The following SDK2 variants were observed in gnomAD, a reference collection of about 807,000 sequenced individuals.
The protein encoded by SDK2 is sidekick cell adhesion molecule 2.
SDK2 carries 105 observed loss-of-function variants against 253.9 expected under a neutral mutation model. The ratio of observed to expected loss-of-function variants is 0.41; its 90% CI spans 0.35 to 0.49. The LOEUF (loss-of-function observed/expected upper bound fraction) is 0.49. Ranked by LOEUF, SDK2 falls within the 20% of genes least tolerant of loss-of-function variation. The pLI is 0.06. For missense variants in SDK2, 2,608 were observed against 3,003.0 expected (o/e 0.87, Z 3.07); for synonymous variants, 1,249 against 1,234.9 (o/e 1.01, Z -0.24).
Position 73,447,590 on chromosome 17 carries a change from C to G in SDK2, c.613+25G>C. ...AAGATTTAATGGCCCGCTCCAAGAT[C>G]GGTCCCGGCCCTGTGCGTACTTACT... On this transcript the variant is annotated intron_variant, in intron 5 of 44. Transcript: ENST00000392650. This position sits in a 1 kb window ranked among gnomAD's most constrained non-coding sequence, Gnocchi z 4.0. 6 of 1,551,390 alleles carry G rather than the reference C, an allele frequency of 3.9e-6. No homozygotes were observed. The highest frequency in any genetic ancestry group is 5.2e-6 in the Non-Finnish European group (6 of 1,146,710).
chr17:73,350,798 A>G lies in SDK2; in HGVS notation c.5759-8T>C, dbSNP rs1372564935. ...AGGGGTTGGCTTTCTGGGCTGGAGC[A>G]CAGATAGTCAGGTATATAGGGTGCT... On this transcript the variant is annotated splice_polypyrimidine_tract_variant and splice_region_variant and intron_variant, in intron 41 of 44. Coordinates refer to ENST00000392650, the MANE Select transcript of SDK2 (RefSeq NM_001144952.2). 1 of 1,606,458 alleles carries G rather than the reference A, an allele frequency of 6.2e-7. No homozygotes were observed. The highest frequency in any genetic ancestry group is 1.3e-5 in the African/African-American group (1 of 74,302).
intron 1 of SDK2, among the ~76,000 whole-genome samples, chr17:73,562,626 G>C (rs545163848): frequency 1.3e-5 from 2 of 152,218 alleles, no homozygotes; most frequent in Admixed American, 1.3e-4. Flanking sequence ...GTCTGTCCAG[G>C]CTGCCGGACA....
At chr17:73,565,803 GTTTTTTC>G (rs1333019654) in intron 1 of SDK2, among the ~76,000 whole-genome samples, 1 of 152,118 alleles carries the variant, frequency 6.6e-6, no homozygotes, top group African/African-American at 2.4e-5. Flanking sequence ...AGAGCTAGTT[GTTTTTTC>G]TTTTTTTGGT....
chr17:73,372,773 C>T (rs1392605030), intron 36 of SDK2, among the ~76,000 whole-genome samples: 7 of 151,792 alleles, frequency 4.6e-5, no homozygotes, highest in Admixed American at 1.3e-4. Context: ...AATCAAAAAA[C>T]AAAAAAACCC....
intron 40 of SDK2, among the ~76,000 whole-genome samples, chr17:73,354,918 G>A (rs778979157): frequency 4.0e-5 from 6 of 151,810 alleles, no homozygotes; most frequent in Non-Finnish European, 5.9e-5. Context: ...ACCCAGCCGT[G>A]TAAGTCGAGC....
In SDK2 at chr17:73,365,364, A is replaced by T; in HGVS notation, c.5199T>A (p.Ser1733Arg). The T allele has an allele frequency of 6.2e-7, 1 of 1,611,546 alleles. No homozygotes were observed. Residue 1733 changes from serine to arginine, a missense_variant, in exon 38 of 45, where the codon AGT (serine) becomes AGA (arginine). Physicochemically the swap from Ser to Arg is moderately radical, Grantham distance 110. Coordinates refer to ENST00000392650, the MANE Select transcript of SDK2 (RefSeq NM_001144952.2). ...CATTCACTGAGGTTGTGGTCAGCTC[A>T]CTGAACTTGACCGAGCTGGGAGCGC... ...APSAPSSVKF[S>R]ELTTTSVNVS...
chr17:73,505,714 C>T (rs2063930023), intron 2 of SDK2, among the ~76,000 whole-genome samples: 1 of 151,500 alleles, frequency 6.6e-6, no homozygotes, highest in African/African-American at 2.4e-5. Context: ...AATAGCTGGA[C>T]CTCATCATCG....
intron 1 of SDK2, among the ~76,000 whole-genome samples, chr17:73,604,747 G>A (rs2045885617): frequency 6.6e-6 from 1 of 152,188 alleles, no homozygotes; most frequent in African/African-American, 2.4e-5. Context: ...GAAATGAGGA[G>A]GCTCAGCTTG....
chr17:73,529,468 G>T (rs1447402402), intron 1 of SDK2, among the ~76,000 whole-genome samples: 1 of 152,178 alleles, frequency 6.6e-6, no homozygotes, highest in African/African-American at 2.4e-5. Context: ...GGCAAATTAG[G>T]TCAGGGCACT....
chr17:73,502,084 TACAC>T lies in SDK2; in HGVS notation c.224+5350_224+5353del, dbSNP rs5821971. On this transcript the variant is annotated intron_variant, in intron 2 of 44. Coordinates refer to ENST00000392650, the MANE Select transcript of SDK2 (RefSeq NM_001144952.2). ...CAGGCTTGCCTTTGTGTAGTGCACA[TACAC>T]ACACACACACACACACACACACACA... 3.1e-3 allele frequency among the ~76,000 whole-genome samples: 83 copies of T among 26,508 alleles called. 1 individual carries two copies. The highest frequency in any genetic ancestry group is 0.016 in the Middle Eastern group (1 of 64). The allele number at this position is 26,508 out of a possible 152,430, so 17.4% of individuals were successfully genotyped here. A position where few individuals can be genotyped will look rare whatever the true frequency, so the allele number is the denominator to read the frequency against.
intron 2 of SDK2, among the ~76,000 whole-genome samples, chr17:73,505,918 A>G (rs2063931851): frequency 6.6e-6 from 1 of 152,190 alleles, no homozygotes; most frequent in Non-Finnish European, 1.5e-5. Flanking sequence ...TGGTCCTTCC[A>G]CTGAGCTGGA....
At position 73,401,949 on chromosome 17, in the gene SDK2, C is replaced by A. The variant is rs758280017; in HGVS notation, c.2677G>T (p.Asp893Tyr). The change falls in exon 19 of 45, where the codon GAT (aspartate) becomes TAT (tyrosine). Residue 893 changes from aspartate to tyrosine, a missense_variant. By Grantham distance (160) the Asp-to-Tyr change is radical. This residue lies in a region of SDK2 where 1,505 missense variants were observed against 1,859.1 expected (regional missense o/e 0.81). Coordinates refer to ENST00000392650, the MANE Select transcript of SDK2 (RefSeq NM_001144952.2). Reference protein sequence around the residue: ...STPQLVRTHEDVPGPVGHLSF... With the variant: ...STPQLVRTHEYVPGPVGHLSF... ...AGCAGGGCTGGGGGGTGCCTACCATCCTCATGGGTGCGCACCAGCTGCGGG... is the reference window on the plus strand; with the variant it reads ...AGCAGGGCTGGGGGGTGCCTACCATACTCATGGGTGCGCACCAGCTGCGGG... 6.2e-7 allele frequency: 1 copy of A among 1,604,436 alleles called. No homozygotes were observed. The highest frequency in any genetic ancestry group is 1.1e-5 in the South Asian group (1 of 89,860).
chr17:73,599,044 C>T (rs187358332), intron 1 of SDK2, among the ~76,000 whole-genome samples: 3 of 152,342 alleles, frequency 2.0e-5, no homozygotes, highest in Admixed American at 1.3e-4. Flanking sequence ...GAAAATGTAG[C>T]ATCCCCCTAG....
chr17:73,634,117 A>C (rs568226362), intron 1 of SDK2, among the ~76,000 whole-genome samples: 2 of 152,290 alleles, frequency 1.3e-5, no homozygotes, highest in Non-Finnish European at 2.9e-5. Context: ...TATGGACATC[A>C]AGAGGGGGCT....
At chr17:73,407,339 C>T (rs2063087416) in intron 18 of SDK2, among the ~76,000 whole-genome samples, 1 of 152,150 alleles carries the variant, frequency 6.6e-6, no homozygotes, top group South Asian at 2.1e-4. Flanking sequence ...GAGGGCTCAC[C>T]ATCAAGTCGA....
At position 73,455,800 on chromosome 17, in the gene SDK2, T is replaced by C. The variant is rs1228964457; in HGVS notation, c.479+106A>G. 16 of 1,287,516 alleles carry C rather than the reference T, an allele frequency of 1.2e-5. No individual in the cohort carries two copies. The highest frequency in any genetic ancestry group is 1.7e-5 in the Non-Finnish European group (16 of 968,484). 79.8% of individuals were successfully genotyped at this position (1,287,516 alleles called of 1,614,324 possible). On this transcript the variant is annotated intron_variant, in intron 4 of 44. Coordinates refer to ENST00000392650, the MANE Select transcript of SDK2 (RefSeq NM_001144952.2). This position sits in a 1 kb window ranked among gnomAD's most constrained non-coding sequence, Gnocchi z 5.0. ...TGTCCCACAGGAGCTGAAAGGGGCT[T>C]CTGCACAAAGGCCCTCCTCCACACT...
At chr17:73,516,987 G>A (rs1285994003) in intron 1 of SDK2, 1 of 152,212 alleles carries the variant, frequency 6.6e-6, no homozygotes, top group Non-Finnish European at 1.5e-5. Context: ...TGTGTGCCCT[G>A]GGCCTGCCAC....
Position 73,431,380 on chromosome 17 carries a change from C to A in SDK2, c.1480+122G>T. 1 of 963,928 alleles carries A rather than the reference C, an allele frequency of 1.0e-6. No homozygotes were observed. Among genetic ancestry groups the A allele is most frequent in the Non-Finnish European group, 1.5e-6 (1 of 663,124 alleles). The allele number at this position is 963,928 out of a possible 1,614,324, so 59.7% of individuals were successfully genotyped here. The stretch of plus-strand genomic sequence containing the variant: ...AGAAGGGCCCTGACTGGGACAGACA[C>A]TGGGGATGGAGACACTGGTGGTATG... On this transcript the variant is annotated intron_variant, in intron 11 of 44. Transcript: ENST00000392650. This position sits in a 1 kb window ranked among gnomAD's most constrained non-coding sequence, Gnocchi z 5.6.
chr17:73,350,173 C>T (rs2062521955), intron 43 of SDK2, 64 bp downstream of exon 43: 4 of 131,032 alleles, frequency 3.1e-5, no homozygotes, highest in African/African-American at 1.2e-4. Flanking sequence ...ATGGCCTTCC[C>T]CAGCATTCTC....
Sources: gnomAD v4.1 joint callset for allele counts (sites outside exome capture counted in the v4.1 genomes callset) on GRCh38, gnomAD v4.1.1 for gene constraint, gnomAD v4.1.1 regional missense constraint, Gnocchi (gnomAD v3.1) non-coding constraint, MANE v1.5 for transcripts, NCBI Gene and HGNC (gene_info 2026-07-23, HGNC 2026-07-21) for gene names.